The following PDE10A variants were observed in gnomAD, a reference collection of about 807,000 sequenced individuals.
PDE10A encodes cAMP and cAMP-inhibited cGMP 3',5'-cyclic phosphodiesterase 10A.
In PDE10A, 39 loss-of-function variants were observed where a neutral mutation model predicts 97.7. That is an observed-to-expected ratio of 0.40 (90% CI 0.31 to 0.52). The LOEUF is 0.52. Ranked by LOEUF, PDE10A falls within the 20% of genes least tolerant of loss-of-function variation. The pLI is 0.56. For missense variants in PDE10A, 731 were observed against 1,047.8 expected (o/e 0.70, Z 4.17); for synonymous variants, 371 against 376.8 (o/e 0.98, Z 0.18).
intron 21 of PDE10A, among the ~76,000 whole-genome samples, chr6:165,335,467 G>C (rs1294625355): frequency 6.6e-6 from 1 of 152,110 alleles, no homozygotes; most frequent in African/African-American, 2.4e-5. Context: ...GACTTGATAT[G>C]AATAGACACT....
intron 9 of PDE10A, among the ~76,000 whole-genome samples, chr6:165,430,081 T>C (rs1789444826): frequency 6.6e-6 from 1 of 152,120 alleles, no homozygotes; most frequent in South Asian, 2.1e-4. Context: ...TCATCACATA[T>C]ATATCTGCAA....
intron 2 of PDE10A, among the ~76,000 whole-genome samples, chr6:165,536,335 A>G (rs758582336): frequency 2.0e-5 from 3 of 152,016 alleles, no homozygotes; most frequent in Non-Finnish European, 4.4e-5. Context: ...ACTTAAACAT[A>G]AGACCTAAAA....
intron 3 of PDE10A, among the ~76,000 whole-genome samples, chr6:165,471,422 T>G (rs940774363): frequency 6.6e-6 from 1 of 152,144 alleles, no homozygotes; most frequent in African/African-American, 2.4e-5. Flanking sequence ...CTCAAATTTA[T>G]ATCTCTAACC....
At chr6:165,470,760 G>A (rs1313688410) in intron 3 of PDE10A, among the ~76,000 whole-genome samples, 1 of 151,944 alleles carries the variant, frequency 6.6e-6, no homozygotes, top group Non-Finnish European at 1.5e-5. Flanking sequence ...GAGGACCTGG[G>A]AGGCTGACAG....
At chr6:165,676,764 A>G (rs946399957) in intron 1 of PDE10A, among the ~76,000 whole-genome samples, 3 of 151,998 alleles carry the variant, frequency 2.0e-5, no homozygotes, top group Non-Finnish European at 2.9e-5. Context: ...GCTCACCCAC[A>G]TTTCACGGCT....
chr6:165,412,964 G>A (rs1225466938), intron 13 of PDE10A, among the ~76,000 whole-genome samples: 1 of 152,048 alleles, frequency 6.6e-6, no homozygotes. Context: ...AGTGAGACTT[G>A]AGAATGCACA....
At chr6:165,896,594 G>A (rs1420432039) in intron 1 of PDE10A, among the ~76,000 whole-genome samples, 7 of 144,926 alleles carry the variant, frequency 4.8e-5, no homozygotes, top group Non-Finnish European at 8.9e-5. Flanking sequence ...GCGCAATCTC[G>A]GCTCACTGCA....
At chr6:165,894,547 G>T (rs1287167853) in intron 1 of PDE10A, 1 of 455,962 alleles carries the variant, frequency 2.2e-6, no homozygotes, top group Non-Finnish European at 4.4e-6. Flanking sequence ...CAAACTCAAC[G>T]GGGAGCCAAG....
intron 1 of PDE10A, among the ~76,000 whole-genome samples, chr6:165,794,178 T>G (rs1778750618): frequency 6.9e-6 from 1 of 145,094 alleles, no homozygotes; most frequent in South Asian, 2.2e-4. Flanking sequence ...ATACACTCCC[T>G]CCCACACTCA....
chr6:165,327,350 T>C lies in PDE10A; in HGVS notation c.*5675A>G, dbSNP rs1178846359. ...AGGATATCCATTAAAATTATGAACA[T>C]TTCTAAATATATTTCATGTATCATA... is the stretch of plus-strand genomic sequence containing the variant. On this transcript the variant is annotated 3_prime_UTR_variant, in exon 22 of 22. Transcript: ENST00000539869. The C allele has an allele frequency of 6.6e-6, 1 of 152,218 alleles. No homozygotes were observed. Among genetic ancestry groups the C allele is most frequent in the Non-Finnish European group, 1.5e-5 (1 of 68,034 alleles). 9.4% of individuals were successfully genotyped at this position (152,218 alleles called of 1,614,324 possible).
intron 1 of PDE10A, among the ~76,000 whole-genome samples, chr6:165,608,511 T>C (rs186969332): frequency 2.8e-4 from 42 of 152,290 alleles, no homozygotes; most frequent in African/African-American, 9.9e-4. Context: ...CAGTCTATCA[T>C]TGTTGGACAT....
rs947352064 is a variant in PDE10A at position 165,393,047 on chromosome 6, C to T, written c.2304-251G>A. Among the ~76,000 whole-genome samples the T allele has an allele frequency of 5.3e-5, 8 of 152,016 alleles. 1 individual carries two copies. Among genetic ancestry groups the T allele is most frequent in the African/African-American group, 1.9e-4 (8 of 41,386 alleles). ...TGTGATACAGTAACTGTCCCACCAG[C>T]GAAAAAATATCAGTATTAGTACACA... On this transcript the variant is annotated intron_variant, in intron 15 of 21. Coordinates refer to ENST00000539869, the MANE Select transcript of PDE10A (RefSeq NM_001385079.1).
chr6:165,501,525 A>G (rs1175970556), intron 2 of PDE10A, among the ~76,000 whole-genome samples: 2 of 151,754 alleles, frequency 1.3e-5, no homozygotes, highest in Non-Finnish European at 2.9e-5. Context: ...GTGAGCAGAG[A>G]TCGCGCCACT....
At chr6:165,603,274 T>C (rs1424011723) in intron 1 of PDE10A, among the ~76,000 whole-genome samples, 3 of 152,162 alleles carry the variant, frequency 2.0e-5, no homozygotes, top group Admixed American at 1.3e-4. Context: ...TGCAGTTGTA[T>C]CCCCTAGCAA....
At chr6:165,490,145 G>A (rs1233443537) in intron 2 of PDE10A, among the ~76,000 whole-genome samples, 5 of 152,164 alleles carry the variant, frequency 3.3e-5, no homozygotes, top group African/African-American at 9.7e-5. Context: ...CAGAGTCATC[G>A]GATTATCTAC....
chr6:165,402,531 A>G (rs1380820532), intron 13 of PDE10A, among the ~76,000 whole-genome samples: 3 of 152,164 alleles, frequency 2.0e-5, no homozygotes, highest in African/African-American at 7.2e-5. Context: ...TGCATTTTGT[A>G]TAAATTATTT....
chr6:165,740,072 G>A (rs1036197324), intron 1 of PDE10A, among the ~76,000 whole-genome samples: 1 of 152,108 alleles, frequency 6.6e-6, no homozygotes, highest in Admixed American at 6.5e-5. Flanking sequence ...GACTAAAAAT[G>A]GAATTACCAT....
intron 1 of PDE10A, among the ~76,000 whole-genome samples, chr6:165,881,392 C>CTTT (rs68159417): frequency 9.3e-5 from 10 of 107,024 alleles, no homozygotes; most frequent in Non-Finnish European, 1.2e-4. Context: ...TTTTTCTTTT[C>CTTT]TTTTTTTTTT....
At position 165,593,300 on chromosome 6, in the gene PDE10A, G is replaced by A. The variant is rs965276299; in HGVS notation, c.866-49732C>T. On this transcript the variant is annotated intron_variant, in intron 1 of 21. Transcript: ENST00000539869. ...AACATCACACACCGGGGCCTGTCAT[G>A]GGGTGGGGGTTAAGGGAGATAGCAT... Among the ~76,000 whole-genome samples the A allele has an allele frequency of 4.6e-5, 7 of 152,274 alleles. No homozygotes were observed. In the South Asian group the frequency reaches 1.0e-3, roughly 23 times the overall value.
Sources: allele counts gnomAD v4.1 joint callset (sites outside exome capture counted in the v4.1 genomes callset), GRCh38; gene constraint gnomAD v4.1.1; transcripts MANE v1.5; gene names NCBI Gene and HGNC (gene_info 2026-07-23, HGNC 2026-07-21).